The following PRDM11 variants were observed in gnomAD, a reference collection of about 807,000 sequenced individuals.
The protein encoded by PRDM11 is PR/SET domain 11.
PRDM11 carries 20 observed loss-of-function variants against 97.8 expected under a neutral mutation model. That is an observed-to-expected ratio of 0.20 (90% CI 0.14 to 0.30). PRDM11 has a LOEUF of 0.30. Among genes scored for constraint, PRDM11 ranks in the 10% least tolerant of loss-of-function variants. The pLI, the probability that PRDM11 is intolerant of heterozygous loss-of-function variation, is 1.00. For synonymous variants in PRDM11, 599 were observed against 637.7 expected (o/e 0.94, Z 0.91); for missense variants, 1,139 against 1,555.2 (o/e 0.73, Z 4.50).
At chr11:45,209,357 C>T in intron 5 of PRDM11, 1 of 351,276 alleles carries the variant, frequency 2.8e-6, no homozygotes, top group Non-Finnish European at 5.7e-6. Context: ...TTACAGTCCA[C>T]AGTCTCCCAC....
At chr11:45,127,956 T>C (rs1852619193) in intron 1 of PRDM11, among the ~76,000 whole-genome samples, 1 of 152,230 alleles carries the variant, frequency 6.6e-6, no homozygotes, top group Non-Finnish European at 1.5e-5. Context: ...AGGTGGAGCC[T>C]ACAGAGGCAG....
intron 4 of PRDM11, among the ~76,000 whole-genome samples, 197 bp downstream of exon 4, chr11:45,183,320 G>C (rs1452621565): frequency 3.3e-5 from 5 of 152,188 alleles, no homozygotes; most frequent in Non-Finnish European, 7.3e-5. Context: ...AATGCTGAGA[G>C]CACCCACCTG....
intron 1 of PRDM11, among the ~76,000 whole-genome samples, chr11:45,171,262 G>A (rs2135718482): frequency 6.6e-6 from 1 of 152,206 alleles, no homozygotes; most frequent in Middle Eastern, 3.4e-3. Flanking sequence ...AACACGCCCA[G>A]CTAATTGTTG....
intron 1 of PRDM11, among the ~76,000 whole-genome samples, chr11:45,121,884 G>T (rs911138367): frequency 6.6e-6 from 1 of 152,106 alleles, no homozygotes; most frequent in African/African-American, 2.4e-5. Flanking sequence ...TATTTAGAGT[G>T]GGATAATGAA....
intron 1 of PRDM11, among the ~76,000 whole-genome samples, chr11:45,137,449 A>G (rs919641261): frequency 2.0e-5 from 3 of 152,000 alleles, no homozygotes; most frequent in African/African-American, 7.2e-5. Context: ...AAGAAAAAAG[A>G]AAAGAAAACA....
At chr11:45,149,776 T>C (rs1202673798) in intron 1 of PRDM11, among the ~76,000 whole-genome samples, 4 of 152,216 alleles carry the variant, frequency 2.6e-5, no homozygotes, top group Non-Finnish European at 2.9e-5. Context: ...TGGTGACCCA[T>C]GATGGACATG....
chr11:45,094,405 T>A (rs1356508372), upstream of PRDM11, among the ~76,000 whole-genome samples: 1 of 141,374 alleles, frequency 7.1e-6, no homozygotes, highest in Non-Finnish European at 1.5e-5. Flanking sequence ...CCCAGCTGCA[T>A]GGAGGGACCC....
rs1269565590 is a variant in PRDM11, at chr11:45,227,178, G to A, written c.2553G>A (p.Glu851=). The change falls in exon 8 of 8, where the codon GAG becomes GAA. Residue 851 remains glutamate (E), a synonymous_variant. Coordinates refer to ENST00000683152, the MANE Select transcript of PRDM11 (RefSeq NM_001384648.1). The surrounding 1 kb of genome is among the most constrained non-coding windows in gnomAD (Gnocchi z 8.0). ...TGGAGGTGGTGGCCCATCTCAAGGA[G>A]GTCAGCAGCCAGACCCAGCGGGCAG... The part of the protein sequence containing the change: ...DYLEVVAHLK[E]VSSQTQRADA... 1 of 1,533,978 alleles carries A rather than the reference G, an allele frequency of 6.5e-7. No homozygotes were observed. Among genetic ancestry groups the A allele is most frequent in the Admixed American group, 2.0e-5 (1 of 50,998 alleles).
chr11:45,165,454 G>T (rs1447610655), intron 1 of PRDM11, among the ~76,000 whole-genome samples: 1 of 152,240 alleles, frequency 6.6e-6, no homozygotes, highest in Non-Finnish European at 1.5e-5. Flanking sequence ...TCTGAGGCTG[G>T]GTTCTCAGGG....
chr11:45,181,834 T>G lies in PRDM11; in HGVS notation c.68T>G (p.Val23Gly). The change falls in exon 2 of 8, where the codon GTG becomes GGG. Residue 23 changes from valine to glycine, a missense_variant. Physicochemically the swap from Val to Gly is moderately radical, Grantham distance 109. This residue lies in a region of PRDM11 where 429 missense variants were observed against 510.3 expected (regional missense o/e 0.84). Coordinates refer to ENST00000683152, the MANE Select transcript of PRDM11 (RefSeq NM_001384648.1). ...GCCGTGGGGGATATGGTGACGGTGGTGAAGACGGAGGTCTGCTCACCACTC... is the reference window on the plus strand; with the variant it reads ...GCCGTGGGGGATATGGTGACGGTGGGGAAGACGGAGGTCTGCTCACCACTC... ...NAAVGDMVTV[V>G]KTEVCSPLRD... 1.2e-6 allele frequency: 2 copies of G among 1,613,350 alleles called. No homozygotes were observed. Among genetic ancestry groups the G allele is most frequent in the Non-Finnish European group, 1.7e-6 (2 of 1,179,916 alleles).
chr11:45,116,625 T>G (rs1852308937), intron 1 of PRDM11, among the ~76,000 whole-genome samples: 2 of 152,238 alleles, frequency 1.3e-5, no homozygotes, highest in African/African-American at 4.8e-5. Context: ...ATGAGTGAAG[T>G]GCAGCTAAAA....
At chr11:45,115,163 A>G (rs61880285) in intron 1 of PRDM11, among the ~76,000 whole-genome samples, 1,591 of 141,874 alleles carry the variant, frequency 0.011, 13 homozygotes, top group Non-Finnish European at 0.017. Context: ...GTGTGTGTGT[A>G]TGTCTATATA....
At chr11:45,143,113 G>A, upstream of PRDM11, among the ~76,000 whole-genome samples, 1 of 152,230 alleles carries the variant, frequency 6.6e-6, no homozygotes, top group East Asian at 1.9e-4. Context: ...GTTCCTTGGG[G>A]AAGATGCAGT....
chr11:45,117,354 A>C (rs190597334), intron 1 of PRDM11, among the ~76,000 whole-genome samples: 2 of 152,320 alleles, frequency 1.3e-5, no homozygotes, highest in African/African-American at 4.8e-5. Flanking sequence ...CCATACTGAT[A>C]TAAGTCACTG....
At chr11:45,104,240 A>G (rs1852024481) in intron 1 of PRDM11, among the ~76,000 whole-genome samples, 1 of 152,368 alleles carries the variant, frequency 6.6e-6, no homozygotes. Context: ...ATGAGGCACC[A>G]GAGGAACTTC....
At chr11:45,218,274 T>C (rs553152174) in intron 5 of PRDM11, among the ~76,000 whole-genome samples, 19 of 152,326 alleles carry the variant, frequency 1.2e-4, no homozygotes, top group African/African-American at 4.6e-4. Flanking sequence ...TGCCAAATTG[T>C]TTCCTAAAGG....
intron 1 of PRDM11, among the ~76,000 whole-genome samples, chr11:45,169,729 C>T (rs1852155842): frequency 3.8e-5 from 1 of 26,664 alleles, no homozygotes; most frequent in Non-Finnish European, 2.3e-4. Context: ...CCCCCAGTGT[C>T]ACACAGATGG....
At chr11:45,138,921 T>C (rs1265539559) in intron 1 of PRDM11, among the ~76,000 whole-genome samples, 1 of 152,200 alleles carries the variant, frequency 6.6e-6, no homozygotes. Flanking sequence ...GAAAACTGCA[T>C]TACATATTTC....
intron 4 of PRDM11, among the ~76,000 whole-genome samples, chr11:45,183,901 A>G (rs1590415392): frequency 6.6e-6 from 1 of 152,236 alleles, no homozygotes; most frequent in Non-Finnish European, 1.5e-5. Context: ...AGATAAGGCA[A>G]TCAGATAAAT....
Sources: gnomAD v4.1 joint callset for allele counts (sites outside exome capture counted in the v4.1 genomes callset) on GRCh38, gnomAD v4.1.1 for gene constraint, gnomAD v4.1.1 regional missense constraint, Gnocchi (gnomAD v3.1) non-coding constraint, MANE v1.5 for transcripts, NCBI Gene and HGNC (gene_info 2026-07-23, HGNC 2026-07-21) for gene names.